The following MSRA variants were observed in gnomAD, a reference collection of about 807,000 sequenced individuals.
MSRA encodes methionine sulfoxide reductase A, also known as mitochondrial peptide methionine sulfoxide reductase.
In MSRA, 54 loss-of-function variants were observed where a neutral mutation model predicts 31.3. That is an observed-to-expected ratio of 1.73 (90% CI 1.39 to 2.17). The LOEUF (loss-of-function observed/expected upper bound fraction) is 2.17. Ranked by LOEUF, MSRA falls within the 30% of genes most tolerant of loss-of-function variation. The probability of loss-of-function intolerance (pLI) is 0.00; values close to 1 mark genes in which losing one functional copy is unlikely to be tolerated. For missense variants in MSRA, 507 were observed against 300.9 expected (o/e 1.69, Z -5.07); for synonymous variants, 169 against 116.5 (o/e 1.45, Z -2.90).
chr8:10,172,265 G>A (rs1805658192), intron 1 of MSRA, among the ~76,000 whole-genome samples: 1 of 152,174 alleles, frequency 6.6e-6, no homozygotes, highest in Non-Finnish European at 1.5e-5. Flanking sequence ...AGGAGCTCAT[G>A]GATTCCAGAT....
intron 5 of MSRA, among the ~76,000 whole-genome samples, chr8:10,406,109 G>A (rs1281364055): frequency 6.6e-6 from 1 of 152,244 alleles, no homozygotes; most frequent in East Asian, 1.9e-4. Context: ...TTCCCAGTAA[G>A]GGGAGAAGCG....
chr8:10,167,086 T>A (rs973407512), intron 1 of MSRA, among the ~76,000 whole-genome samples: 4 of 152,126 alleles, frequency 2.6e-5, no homozygotes, highest in African/African-American at 9.7e-5. Flanking sequence ...CATTCTCCCC[T>A]CTTCTTCTTC....
intron 1 of MSRA, among the ~76,000 whole-genome samples, chr8:10,069,044 G>T (rs1374467713): frequency 6.6e-6 from 1 of 152,068 alleles, no homozygotes; most frequent in Non-Finnish European, 1.5e-5. Flanking sequence ...TGATGTAAAT[G>T]GTCTTGTTTG....
At chr8:10,258,398 A>C (rs1322932237) in intron 3 of MSRA, among the ~76,000 whole-genome samples, 2 of 152,220 alleles carry the variant, frequency 1.3e-5, no homozygotes, top group East Asian at 1.9e-4. Context: ...ACCTGTTATT[A>C]TGTAAAGGCT....
At chr8:10,377,896 G>A (rs1259436440) in intron 5 of MSRA, among the ~76,000 whole-genome samples, 1 of 152,238 alleles carries the variant, frequency 6.6e-6, no homozygotes, top group South Asian at 2.1e-4. Context: ...CTCCCTGGCA[G>A]TGCAGGCCCC....
chr8:10,130,710 A>G (rs1202415295), intron 1 of MSRA, among the ~76,000 whole-genome samples: 3 of 152,180 alleles, frequency 2.0e-5, no homozygotes. Flanking sequence ...ACGGGGCTCT[A>G]TTTCTCACAG....
chr8:10,105,366 A>G lies in MSRA; in HGVS notation c.142+50708A>G, dbSNP rs145571792. 9.2e-5 allele frequency among the ~76,000 whole-genome samples: 14 copies of G among 152,320 alleles called. No homozygotes were observed. In the East Asian group the frequency reaches 2.7e-3, roughly 29 times the overall value. ...GGGCTAATGGGACTAATTTCTTAGA[A>G]TGCATCAGAATTTTATCTCCTTAAT... On this transcript the variant is annotated intron_variant, in intron 1 of 5. Transcript: ENST00000317173.
rs1811079434 is a variant in MSRA, at chr8:10,227,279, C to G, written c.212-17825C>G. On this transcript the variant is annotated intron_variant, in intron 2 of 5. Transcript: ENST00000317173. ...ATAAGGAAGAGGGGCTAAATTTGTC[C>G]CTTGTGACCTCAAGGGAGAGAATTA... 2.6e-5 allele frequency among the ~76,000 whole-genome samples: 4 copies of G among 152,008 alleles called. No individual in the cohort carries two copies. The South Asian group carries it at 8.3e-4, about 32-fold the overall frequency.
At chr8:10,348,983 A>G (rs892398437) in intron 5 of MSRA, among the ~76,000 whole-genome samples, 1 of 152,184 alleles carries the variant, frequency 6.6e-6, no homozygotes, top group African/African-American at 2.4e-5. Context: ...GTATCTGATG[A>G]AGATAAAACA....
intron 1 of MSRA, among the ~76,000 whole-genome samples, chr8:10,136,116 A>G (rs1802251144): frequency 6.6e-6 from 1 of 152,152 alleles, no homozygotes; most frequent in Non-Finnish European, 1.5e-5. Context: ...CATGAAAGTG[A>G]GTAACACATG....
chr8:10,183,467 A>C (rs17748267), intron 1 of MSRA, among the ~76,000 whole-genome samples: 60,963 of 151,970 alleles, frequency 0.4, 12,575 homozygotes, highest in East Asian at 0.52. Flanking sequence ...CTAGGAGGTC[A>C]TAACAGTGCT....
intron 2 of MSRA, among the ~76,000 whole-genome samples, chr8:10,238,058 G>A (rs1812101590): frequency 1.3e-5 from 2 of 152,098 alleles, no homozygotes; most frequent in Admixed American, 6.5e-5. Context: ...CATCCCACAA[G>A]GTCCTACACT....
chr8:10,251,258 G>C (rs999194967), intron 3 of MSRA, among the ~76,000 whole-genome samples: 3 of 151,822 alleles, frequency 2.0e-5, no homozygotes, highest in Admixed American at 6.6e-5. Context: ...GGGTGGAAGC[G>C]CATGTCTATG....
Position 10,054,621 on chromosome 8 carries a change from G to C in MSRA, c.105G>C (p.Glu35Asp), listed in dbSNP as rs539805244. The C allele has an allele frequency of 2.5e-6, 4 of 1,577,326 alleles. No homozygotes were observed. In the South Asian group the frequency reaches 4.6e-5, roughly 18 times the overall value. The change falls in exon 1 of 6, where the codon GAG becomes GAC. Residue 35 changes from glutamate (E) to aspartate (D), a missense_variant. Glu to Asp is a conservative substitution (Grantham distance 45). Transcript: ENST00000317173. ...NSASNIVSPQEALPGRKEQTP... is the reference protein window; with the variant it reads ...NSASNIVSPQDALPGRKEQTP... ...CCTCGAACATCGTCAGCCCCCAGGA[G>C]GCCTTGCCGGGCCGGAAGGAACAGA... is the stretch of plus-strand genomic sequence containing the variant.
At chr8:10,184,808 A>G (rs1371636407) in intron 1 of MSRA, among the ~76,000 whole-genome samples, 3 of 152,240 alleles carry the variant, frequency 2.0e-5, no homozygotes, top group Non-Finnish European at 2.9e-5. Flanking sequence ...TGACAACTGT[A>G]TGCAACCAGG....
At chr8:10,315,226 G>A (rs567825849) in intron 4 of MSRA, among the ~76,000 whole-genome samples, 30 of 152,326 alleles carry the variant, frequency 2.0e-4, no homozygotes, top group African/African-American at 6.7e-4. Flanking sequence ...TACAGCTCAA[G>A]ATGAGATTTG....
Position 10,428,673 on chromosome 8 carries a change from G to C in MSRA, c.*361G>C, listed in dbSNP as rs571121268. 85 of 257,558 alleles carry C rather than the reference G, an allele frequency of 3.3e-4. No individual in the cohort carries two copies. The highest frequency in any genetic ancestry group is 5.9e-4 in the Non-Finnish European group (80 of 136,356). The allele number at this position is 257,558 out of a possible 1,614,324, so 16.0% of individuals were successfully genotyped here. On this transcript the variant is annotated 3_prime_UTR_variant, in exon 6 of 6. Coordinates refer to ENST00000317173, the MANE Select transcript of MSRA (RefSeq NM_012331.5). ...AGTCCTTTATCTGTGCTCTCTGCCC[G>C]CCAGTGCCTTACAATTTGCAAACGT... is the stretch of plus-strand genomic sequence containing the variant.
intron 1 of MSRA, among the ~76,000 whole-genome samples, chr8:10,197,786 A>G (rs1175167132): frequency 1.3e-5 from 2 of 152,316 alleles, no homozygotes; most frequent in African/African-American, 4.8e-5. Flanking sequence ...GAGGATGTCA[A>G]AGACCAGTAA....
intron 5 of MSRA, among the ~76,000 whole-genome samples, chr8:10,365,940 T>C (rs912342927): frequency 2.0e-5 from 3 of 152,184 alleles, no homozygotes; most frequent in Admixed American, 1.3e-4. Context: ...GACTAGTCAA[T>C]GGGGCTGCAG....
Sources: allele counts gnomAD v4.1 joint callset (sites outside exome capture counted in the v4.1 genomes callset), GRCh38; gene constraint gnomAD v4.1.1; transcripts MANE v1.5; gene names NCBI Gene and HGNC (gene_info 2026-07-23, HGNC 2026-07-21).